The following TENM3 variants were observed in gnomAD, a reference collection of about 807,000 sequenced individuals.
TENM3 encodes teneurin-3.
TENM3 carries 63 observed loss-of-function variants against 255.1 expected under a neutral mutation model. The ratio of observed to expected loss-of-function variants is 0.25; its 90% confidence interval spans 0.20 to 0.30. The LOEUF (loss-of-function observed/expected upper bound fraction) is 0.30. Ranked by LOEUF, TENM3 falls within the 10% of genes least tolerant of loss-of-function variation. The probability of loss-of-function intolerance (pLI) is 1.00; values close to 1 mark genes in which losing one functional copy is unlikely to be tolerated. For missense variants in TENM3, 2,929 were observed against 3,461.1 expected, an observed-to-expected ratio of 0.85 and a Z score of 3.86; for synonymous variants, 1,306 against 1,322.3, an observed-to-expected ratio of 0.99 and a Z score of 0.27.
At chr4:182,355,192 T>A (rs1765437142) in intron 3 of TENM3, among the ~76,000 whole-genome samples, 1 of 152,016 alleles carries the variant, frequency 6.6e-6, no homozygotes, top group Non-Finnish European at 1.5e-5. Flanking sequence ...GCTTAAAGGA[T>A]GTGGAGAAAT....
the TENM3 span, among the ~76,000 whole-genome samples, chr4:181,965,030 A>T: frequency 6.6e-6 from 1 of 152,206 alleles, no homozygotes; most frequent in Non-Finnish European, 1.5e-5. Flanking sequence ...AAAACTTGAA[A>T]GTAAATTTCT....
rs77688914 is a variant in TENM3, at chr4:182,788,205, G to T, written c.5305-888G>T. 6.0e-3 allele frequency among the ~76,000 whole-genome samples: 919 copies of T among 152,214 alleles called. 8 individuals carry two copies. Among genetic ancestry groups the T allele is most frequent in the African/African-American group, 0.021 (878 of 41,514 alleles). ...TGTACAAGCCACCCCTCCCACAAAG[G>T]TGCTGTAGAAGACCAGAGAATGAAT... On this transcript the variant is annotated intron_variant, in intron 24 of 27. Coordinates refer to ENST00000511685, the MANE Select transcript of TENM3 (RefSeq NM_001080477.4).
At chr4:182,405,729 G>A (rs1769522581) in intron 3 of TENM3, among the ~76,000 whole-genome samples, 1 of 152,180 alleles carries the variant, frequency 6.6e-6, no homozygotes, top group African/African-American at 2.4e-5. Flanking sequence ...GCATGAGAGA[G>A]TTGCGCTAGG....
upstream of TENM3, among the ~76,000 whole-genome samples, chr4:182,243,077 G>GTA (rs1336437244): frequency 1.2e-4 from 19 of 152,278 alleles, 1 homozygote; most frequent in South Asian, 6.2e-4. Flanking sequence ...TTGGAGATGT[G>GTA]TTTAGAATGT....
intron 1 of TENM3, among the ~76,000 whole-genome samples, chr4:182,151,672 C>A (rs1411268150): frequency 1.3e-5 from 2 of 151,504 alleles, no homozygotes; most frequent in Non-Finnish European, 2.9e-5. Flanking sequence ...AGCAAAAAAA[C>A]AAAACAAAAC....
chr4:181,485,752 A>C, the TENM3 span, among the ~76,000 whole-genome samples: 3 of 152,300 alleles, frequency 2.0e-5, no homozygotes, highest in African/African-American at 7.2e-5. Flanking sequence ...AAGTATTTCA[A>C]TGTTGATCAA....
At chr4:182,074,712 G>C in the TENM3 span, among the ~76,000 whole-genome samples, 1 of 152,102 alleles carries the variant, frequency 6.6e-6, no homozygotes, top group East Asian at 1.9e-4. Context: ...AAATTAATGA[G>C]GGAGGAAAGA....
At chr4:181,556,360 TG>T in the TENM3 span, among the ~76,000 whole-genome samples, 1 of 152,124 alleles carries the variant, frequency 6.6e-6, no homozygotes, top group East Asian at 1.9e-4. Context: ...TTCTAATTTG[TG>T]GGGTTTTTTT....
At chr4:181,679,199 C>A in the TENM3 span, among the ~76,000 whole-genome samples, 1 of 152,228 alleles carries the variant, frequency 6.6e-6, no homozygotes, top group Non-Finnish European at 1.5e-5. Flanking sequence ...AACCTATAAC[C>A]AATCCAGCCA....
At chr4:181,593,994 G>GT in the TENM3 span, among the ~76,000 whole-genome samples, 215 of 92,946 alleles carry the variant, frequency 2.3e-3, no homozygotes, top group East Asian at 3.6e-3. Context: ...CTCTGCAGGA[G>GT]TTTTTTTTTT....
the TENM3 span, among the ~76,000 whole-genome samples, chr4:182,076,113 G>A: frequency 6.6e-6 from 1 of 151,772 alleles, no homozygotes; most frequent in Non-Finnish European, 1.5e-5. Flanking sequence ...GTCTCACTAT[G>A]TTGCCCAGGC....
At chr4:181,636,290 G>A in the TENM3 span, among the ~76,000 whole-genome samples, 191 of 152,034 alleles carry the variant, frequency 1.3e-3, 4 homozygotes, top group Middle Eastern at 3.2e-3. Flanking sequence ...TGATCCACCC[G>A]CCTCGGCCTC....
the TENM3 span, among the ~76,000 whole-genome samples, chr4:182,133,187 A>G: frequency 1.3e-5 from 2 of 152,262 alleles, no homozygotes; most frequent in Admixed American, 6.5e-5. Flanking sequence ...GTGTAATCAC[A>G]GTACTTTGTT....
chr4:181,469,946 A>G, the TENM3 span, among the ~76,000 whole-genome samples: 1 of 152,020 alleles, frequency 6.6e-6, no homozygotes, highest in Non-Finnish European at 1.5e-5. Flanking sequence ...AAGTCTGATT[A>G]TTATGTACAG....
At chr4:181,805,598 TGTGTGTGTGTGTGTG>T in the TENM3 span, among the ~76,000 whole-genome samples, 1 of 14,084 alleles carries the variant, frequency 7.1e-5, no homozygotes, top group Non-Finnish European at 4.6e-4. Flanking sequence ...TGTGCACTTT[TGTGTGTGTGTGTGTG>T]GTGTGTGTGT....
chr4:181,663,749 G>A, the TENM3 span, among the ~76,000 whole-genome samples: 1 of 152,118 alleles, frequency 6.6e-6, no homozygotes, highest in African/African-American at 2.4e-5. Flanking sequence ...ACAAGAATGG[G>A]CAACTTTTCC....
chr4:181,585,219 C>T, the TENM3 span, among the ~76,000 whole-genome samples: 6 of 152,094 alleles, frequency 3.9e-5, no homozygotes, highest in East Asian at 1.9e-4. Flanking sequence ...ACAGATGGAC[C>T]GATTTTTTAA....
chr4:182,124,515 AAGGGAGTG>A, the TENM3 span, among the ~76,000 whole-genome samples: 2 of 152,216 alleles, frequency 1.3e-5, no homozygotes, highest in Non-Finnish European at 2.9e-5. Flanking sequence ...GTTGTTCACC[AAGGGAGTG>A]AGTCTAGAAA....
chr4:182,623,687 C>T (rs903369517), intron 4 of TENM3, among the ~76,000 whole-genome samples: 1 of 152,088 alleles, frequency 6.6e-6, no homozygotes, highest in Admixed American at 6.5e-5. Context: ...GGGTCCCTCC[C>T]TCCCTTACCC....
Sources: gnomAD v4.1 joint callset for allele counts (sites outside exome capture counted in the v4.1 genomes callset) on GRCh38, gnomAD v4.1.1 for gene constraint, MANE v1.5 for transcripts, NCBI Gene and HGNC (gene_info 2026-07-23, HGNC 2026-07-21) for gene names.